Variants in DNAJC1 observed in about 807,000 individuals in gnomAD.
DNAJC1 encodes the protein DnaJ heat shock protein family (Hsp40) member C1, also known as dnaJ homolog subfamily C member 1.
Under a neutral mutation model 76.6 loss-of-function variants are expected in DNAJC1, and 58 were observed. The observed-to-expected ratio is 0.76, with a 90% CI of 0.61 to 0.94. The LOEUF (loss-of-function observed/expected upper bound fraction) is 0.94, where lower values mean the gene tolerates loss of function less well. Ranked by LOEUF, DNAJC1 falls within the 40% of genes least tolerant of loss-of-function variation. The pLI, the probability that DNAJC1 is intolerant of heterozygous loss-of-function variation, is 0.00. For missense variants in DNAJC1, 689 were observed against 677.3 expected (o/e 1.02, Z -0.19); for synonymous variants, 258 against 267.9 (o/e 0.96, Z 0.36).
At chr10:21,975,543 ACT>A in intron 1 of DNAJC1, among the ~76,000 whole-genome samples, 1 of 151,964 alleles carries the variant, frequency 6.6e-6, no homozygotes, top group South Asian at 2.1e-4. Context: ...GTACTTAGCA[ACT>A]CTGTTTACAC....
chr10:21,786,449 TATATATATATATATAGAGAG>T (rs1192408496), intron 9 of DNAJC1, among the ~76,000 whole-genome samples: 134 of 107,728 alleles, frequency 1.2e-3, no homozygotes, highest in African/African-American at 4.7e-3. Context: ...TATATATATA[TATATATATATATATAGAGAG>T]AGAGAGAGAG....
intron 8 of DNAJC1, among the ~76,000 whole-genome samples, chr10:21,878,096 T>C (rs1414645501): frequency 6.6e-6 from 1 of 152,228 alleles, no homozygotes; most frequent in African/African-American, 2.4e-5. Context: ...CAATTTTTTC[T>C]TGTAATGTCA....
intron 8 of DNAJC1, among the ~76,000 whole-genome samples, chr10:21,872,034 G>A (rs1215480140): frequency 1.3e-5 from 2 of 150,434 alleles, no homozygotes; most frequent in Admixed American, 1.3e-4. Context: ...GCCTGAGGAA[G>A]ACCAGACAAT....
chr10:21,771,481 AGG>A lies in DNAJC1; in HGVS notation c.1099-5174_1099-5173del, dbSNP rs1458441236. On this transcript the variant is annotated intron_variant, in intron 9 of 11. Transcript: ENST00000376980. Reference sequence around the variant, plus strand: ...GTCTGCTGAGTGTTTTTATAGTGCAAGGGTGTTGGGTTTTGTCAAACACTTTT... The same window carrying A: ...GTCTGCTGAGTGTTTTTATAGTGCAAGTGTTGGGTTTTGTCAAACACTTTT... 2.6e-5 allele frequency among the ~76,000 whole-genome samples: 4 copies of A among 151,606 alleles called. No individual in the cohort carries two copies. The East Asian group carries it at 7.7e-4, about 29-fold the overall frequency.
chr10:21,999,216 T>C (rs1234379617), intron 1 of DNAJC1, among the ~76,000 whole-genome samples: 2 of 152,186 alleles, frequency 1.3e-5, no homozygotes, highest in African/African-American at 4.8e-5. Flanking sequence ...AACTCACCAC[T>C]TCACCAAAAC....
intron 1 of DNAJC1, among the ~76,000 whole-genome samples, chr10:21,960,486 A>AG (rs1283977232): frequency 4.8e-4 from 73 of 152,188 alleles, no homozygotes; most frequent in African/African-American, 1.7e-3. Context: ...CTGAGATAGG[A>AG]GCATTACTTG....
intron 8 of DNAJC1, among the ~76,000 whole-genome samples, chr10:21,831,528 C>A (rs553164979): frequency 1.3e-5 from 2 of 152,092 alleles, no homozygotes; most frequent in Non-Finnish European, 2.9e-5. Flanking sequence ...CAGTGGCTTG[C>A]GCCTGTAATC....
chr10:21,893,458 T>C (rs1029723100), intron 7 of DNAJC1, among the ~76,000 whole-genome samples: 2 of 151,790 alleles, frequency 1.3e-5, no homozygotes, highest in African/African-American at 2.4e-5. Context: ...TAAAACCTTA[T>C]CTCTACTAAA....
At chr10:21,908,115 T>TATATATA (rs1391460348) in intron 6 of DNAJC1, among the ~76,000 whole-genome samples, 4 of 106,892 alleles carry the variant, frequency 3.7e-5, no homozygotes, top group African/African-American at 1.2e-4. Context: ...ATATAAAATA[T>TATATATA]ATATATAATA....
At position 21,759,750 on chromosome 10, in the gene DNAJC1, C is replaced by T. The variant is rs1223594189; in HGVS notation, c.1148-132G>A. The T allele has an allele frequency of 4.0e-5, 30 of 741,140 alleles. No individual in the cohort carries two copies. In the Admixed American group the frequency reaches 8.6e-4, roughly 21 times the overall value. 45.9% of individuals were successfully genotyped at this position (741,140 alleles called of 1,614,324 possible). A position where few individuals can be genotyped will look rare whatever the true frequency, so the allele number is the denominator to read the frequency against. ...CATGCATGGTTTAATTTCATTTCCA[C>T]ACTACTCTATTCTAGAAAGATAGGG... On this transcript the variant is annotated intron_variant, in intron 10 of 11. Coordinates refer to ENST00000376980, the MANE Select transcript of DNAJC1 (RefSeq NM_022365.4).
chr10:21,976,098 T>A (rs1838057289), intron 1 of DNAJC1, among the ~76,000 whole-genome samples: 1 of 152,200 alleles, frequency 6.6e-6, no homozygotes, highest in Non-Finnish European at 1.5e-5. Context: ...TAAGAGAAAC[T>A]TTGAATCTTG....
chr10:21,803,681 G>T, intron 9 of DNAJC1: 1 of 285,292 alleles, frequency 3.5e-6, no homozygotes, highest in Non-Finnish European at 5.2e-6. Context: ...GAGAGTTATT[G>T]AAATGAATAG....
intron 1 of DNAJC1, among the ~76,000 whole-genome samples, chr10:21,986,814 C>G (rs1420887685): frequency 2.0e-5 from 3 of 152,066 alleles, no homozygotes; most frequent in African/African-American, 7.2e-5. Flanking sequence ...GTCACCCAGG[C>G]TGGAGTGCAA....
chr10:21,944,234 T>C (rs1020500837), intron 1 of DNAJC1, among the ~76,000 whole-genome samples: 4 of 152,108 alleles, frequency 2.6e-5, no homozygotes, highest in East Asian at 1.9e-4. Context: ...GTAAAAAGAC[T>C]GATAAATTCT....
chr10:21,948,759 T>C (rs764646213), intron 1 of DNAJC1, among the ~76,000 whole-genome samples: 1 of 151,964 alleles, frequency 6.6e-6, no homozygotes, highest in Admixed American at 6.6e-5. Flanking sequence ...TTTTAGAACG[T>C]ATCCCCTACA....
rs548645391 is a variant in DNAJC1, at chr10:21,930,496, AAT to A, written c.223-1357_223-1356del. ...GACTAAATATTATCAATAGTTTTTA[AAT>A]AGAGTTGGAGAGAGACAAAGTGAGG... On this transcript the variant is annotated intron_variant, in intron 1 of 11. Coordinates refer to ENST00000376980, the MANE Select transcript of DNAJC1 (RefSeq NM_022365.4). 1.8e-4 allele frequency among the ~76,000 whole-genome samples: 28 copies of A among 152,268 alleles called. No homozygotes were observed. The South Asian group carries it at 5.8e-3, about 32-fold the overall frequency.
At chr10:21,955,443 C>G (rs1367796416) in intron 1 of DNAJC1, among the ~76,000 whole-genome samples, 1 of 152,080 alleles carries the variant, frequency 6.6e-6, no homozygotes, top group Non-Finnish European at 1.5e-5. Flanking sequence ...AGTATTACCT[C>G]TGACAAATGG....
chr10:21,927,215 A>G (rs1353967444), intron 3 of DNAJC1, among the ~76,000 whole-genome samples: 2 of 152,226 alleles, frequency 1.3e-5, no homozygotes, highest in Non-Finnish European at 2.9e-5. Context: ...CCCTTGTTAT[A>G]AAGTGAAGAA....
chr10:21,899,854 C>T (rs985091648), intron 7 of DNAJC1, among the ~76,000 whole-genome samples: 6 of 152,156 alleles, frequency 3.9e-5, no homozygotes, highest in Non-Finnish European at 5.9e-5. Flanking sequence ...TCTGCTGAAC[C>T]GCAGAGGCCA....
Sources: allele counts gnomAD v4.1 joint callset (sites outside exome capture counted in the v4.1 genomes callset), GRCh38; gene constraint gnomAD v4.1.1; transcripts MANE v1.5; gene names NCBI Gene and HGNC (gene_info 2026-07-23, HGNC 2026-07-21).